Variants in ARHGAP22 observed in about 807,000 individuals in gnomAD.
The protein encoded by ARHGAP22 is Rho GTPase activating protein 22, also known as rho GTPase-activating protein 22.
In ARHGAP22, 48 loss-of-function variants were observed where a neutral mutation model predicts 59.1. The observed-to-expected ratio is 0.81, with a 90% CI of 0.64 to 1.03. The LOEUF (loss-of-function observed/expected upper bound fraction) is 1.03, where lower values mean the gene tolerates loss of function less well. Among genes scored for constraint, ARHGAP22 ranks in the 50% least tolerant of loss-of-function variants. ARHGAP22 has a pLI of 0.00. For synonymous variants in ARHGAP22, 445 were observed against 416.4 expected (o/e 1.07, Z -0.84); for missense variants, 1,015 against 958.7 (o/e 1.06, Z -0.78).
intron 2 of ARHGAP22, among the ~76,000 whole-genome samples, chr10:48,581,756 T>C (rs2059135146): frequency 6.6e-6 from 1 of 152,264 alleles, no homozygotes; most frequent in Non-Finnish European, 1.5e-5. Flanking sequence ...CTTTTGGTTT[T>C]AACGTCAATA....
At chr10:48,448,978 C>T (rs772526828) in intron 9 of ARHGAP22, among the ~76,000 whole-genome samples, 14 of 152,206 alleles carry the variant, frequency 9.2e-5, no homozygotes, top group Non-Finnish European at 1.6e-4. Flanking sequence ...CCTGGTGGAG[C>T]TGGGACTAGA....
the ARHGAP22 span, chr10:48,437,748 GCA>G: frequency 2.0e-5 from 3 of 152,320 alleles, no homozygotes; most frequent in East Asian, 3.9e-4. Flanking sequence ...GTTGGTAAAG[GCA>G]CAGTGTGTTC....
At chr10:48,469,938 C>A (rs1042265562) in intron 4 of ARHGAP22, among the ~76,000 whole-genome samples, 2 of 152,324 alleles carry the variant, frequency 1.3e-5, no homozygotes, top group South Asian at 4.1e-4. Flanking sequence ...GCCAGCTTCC[C>A]ACTTATTTGT....
In ARHGAP22 at chr10:48,560,078, G is replaced by T. The variant is rs1244938993; in HGVS notation, c.235-4528C>A. ...TGCTACATGACAAACATTTAATTAAGGTTGCAGATAGAATTAAGTTTGCTA... is the reference window on the plus strand; with the variant it reads ...TGCTACATGACAAACATTTAATTAATGTTGCAGATAGAATTAAGTTTGCTA... On this transcript the variant is annotated intron_variant, in intron 2 of 9. Transcript: ENST00000249601. Among the ~76,000 whole-genome samples the T allele has an allele frequency of 1.3e-5, 2 of 152,148 alleles. 1 individual carries two copies. Among genetic ancestry groups the T allele is most frequent in the Admixed American group, 1.3e-4 (2 of 15,274 alleles).
At chr10:48,436,671 G>A in the ARHGAP22 span, 1 of 152,172 alleles carries the variant, frequency 6.6e-6, no homozygotes, top group Non-Finnish European at 1.5e-5. Context: ...TTTTGAGTGA[G>A]ATATTTTACA....
intron 1 of ARHGAP22, among the ~76,000 whole-genome samples, chr10:48,645,738 CA>C (rs1437085538): frequency 6.6e-6 from 1 of 152,032 alleles, no homozygotes; most frequent in Non-Finnish European, 1.5e-5. Flanking sequence ...AAAATAAGGA[CA>C]AAGGCAGAGG....
intron 3 of ARHGAP22, among the ~76,000 whole-genome samples, chr10:48,542,568 C>G (rs2056062277): frequency 6.6e-6 from 1 of 152,172 alleles, no homozygotes; most frequent in Non-Finnish European, 1.5e-5. Flanking sequence ...AGGCCTCTGC[C>G]CCGCCTCTCC....
At chr10:48,579,715 T>G (rs2058990675) in intron 2 of ARHGAP22, among the ~76,000 whole-genome samples, 1 of 152,168 alleles carries the variant, frequency 6.6e-6, no homozygotes, top group Non-Finnish European at 1.5e-5. Flanking sequence ...CAAACATGGC[T>G]GGATATCCTT....
At chr10:48,440,229 G>T in the ARHGAP22 span, among the ~76,000 whole-genome samples, 1 of 151,852 alleles carries the variant, frequency 6.6e-6, no homozygotes, top group Non-Finnish European at 1.5e-5. Flanking sequence ...TTTTTTAGCT[G>T]TTAATGGTTA....
At chr10:48,555,415 G>T (rs777135162) in intron 3 of ARHGAP22, 48 bp downstream of exon 3, 9 of 1,578,866 alleles carry the variant, frequency 5.7e-6, no homozygotes, top group Admixed American at 1.7e-5. Flanking sequence ...CCAGGGGCAT[G>T]GCAACACCCC....
chr10:48,654,996 C>CTCTTTCTT (rs2062724907), upstream of ARHGAP22, among the ~76,000 whole-genome samples: 1 of 126,660 alleles, frequency 7.9e-6, no homozygotes, highest in Non-Finnish European at 1.7e-5. Flanking sequence ...CCCTTCCTCT[C>CTCTTTCTT]TCTCTTTCTT....
At position 48,498,740 on chromosome 10, in the gene ARHGAP22, C is replaced by G. The variant is rs185402736; in HGVS notation, c.323-18976G>C. Among the ~76,000 whole-genome samples, 349 of 152,234 alleles carry G rather than the reference C, an allele frequency of 2.3e-3. 5 individuals are homozygous for G. The highest frequency in any genetic ancestry group is 8.1e-3 in the African/African-American group (337 of 41,530). ...CAAGCAGGCAATGACAAAAGCCAAT[C>G]CAATACCAGAAGCAACATCATGACC... On this transcript the variant is annotated intron_variant, in intron 3 of 9. Transcript: ENST00000249601.
chr10:48,548,109 A>C (rs1261057396), intron 3 of ARHGAP22, among the ~76,000 whole-genome samples: 2 of 152,144 alleles, frequency 1.3e-5, no homozygotes, highest in African/African-American at 2.4e-5. Flanking sequence ...GCTTTCGGCA[A>C]GTGAGCCATG....
intron 3 of ARHGAP22, among the ~76,000 whole-genome samples, chr10:48,486,119 G>A (rs1822858): frequency 0.95 from 143,819 of 152,062 alleles, 68,558 homozygotes; most frequent in East Asian, 1. Flanking sequence ...TCTTCATGCT[G>A]TAGGAATTGC....
intron 3 of ARHGAP22, 127 bp from the exon 4 acceptor site, chr10:48,479,891 G>A: frequency 1.1e-6 from 1 of 918,022 alleles, no homozygotes; most frequent in Non-Finnish European, 1.6e-6. Context: ...GCTGAGCTTT[G>A]CTTTTATCTC....
At chr10:48,502,289 G>A (rs192464251) in intron 3 of ARHGAP22, among the ~76,000 whole-genome samples, 1 of 152,292 alleles carries the variant, frequency 6.6e-6, no homozygotes, top group African/African-American at 2.4e-5. Flanking sequence ...CCTCGTGGGG[G>A]AAGGAGGACT....
chr10:48,519,769 T>C (rs1450065954), intron 3 of ARHGAP22, among the ~76,000 whole-genome samples: 5 of 152,104 alleles, frequency 3.3e-5, no homozygotes, highest in African/African-American at 1.2e-4. Flanking sequence ...GGAAGTGGTG[T>C]GGTGCGGAAA....
chr10:48,596,862 G>T (rs1413222263), intron 1 of ARHGAP22, among the ~76,000 whole-genome samples: 2 of 152,138 alleles, frequency 1.3e-5, no homozygotes, highest in Non-Finnish European at 2.9e-5. Context: ...GGGCCTCTGT[G>T]AGCTGGTGCC....
At chr10:48,483,873 T>C (rs200473228) in intron 3 of ARHGAP22, among the ~76,000 whole-genome samples, 1 of 149,172 alleles carries the variant, frequency 6.7e-6, no homozygotes, top group Non-Finnish European at 1.5e-5. Flanking sequence ...GAAGATTTTT[T>C]AGTTTAATAT....
Sources: allele counts gnomAD v4.1 joint callset (sites outside exome capture counted in the v4.1 genomes callset), GRCh38; gene constraint gnomAD v4.1.1; transcripts MANE v1.5; gene names NCBI Gene and HGNC (gene_info 2026-07-23, HGNC 2026-07-21).